The following ERBB4 variants were observed in gnomAD, a reference collection of about 807,000 sequenced individuals.
ERBB4 encodes receptor tyrosine-protein kinase erbB-4.
ERBB4 carries 42 observed loss-of-function variants against 158.0 expected under a neutral mutation model. The observed-to-expected ratio is 0.27, with a 90% CI of 0.21 to 0.34. ERBB4 has a LOEUF of 0.34. ERBB4 is among the 10% of genes least tolerant of loss of function. The pLI is 1.00. For synonymous variants in ERBB4, 583 were observed against 558.7 expected (o/e 1.04, Z -0.61); for missense variants, 1,333 against 1,624.1 (o/e 0.82, Z 3.08).
intron 3 of ERBB4, among the ~76,000 whole-genome samples, chr2:211,913,066 C>A (rs573382748): frequency 6.6e-6 from 1 of 152,166 alleles, no homozygotes; most frequent in African/African-American, 2.4e-5. Flanking sequence ...TCATAAGGGG[C>A]GTGGTTGTCA....
At chr2:211,603,955 T>C (rs1184254151) in intron 19 of ERBB4, among the ~76,000 whole-genome samples, 2 of 152,240 alleles carry the variant, frequency 1.3e-5, no homozygotes, top group African/African-American at 2.4e-5. Flanking sequence ...CAAGTGGGCA[T>C]ATTTAATTTA....
At chr2:212,299,156 C>T (rs2086527591) in intron 1 of ERBB4, among the ~76,000 whole-genome samples, 2 of 151,728 alleles carry the variant, frequency 1.3e-5, no homozygotes, top group South Asian at 4.1e-4. Context: ...TATCAGATCA[C>T]ACACAGACAA....
chr2:211,528,447 T>C (rs2066409937), intron 20 of ERBB4, among the ~76,000 whole-genome samples: 1 of 152,146 alleles, frequency 6.6e-6, no homozygotes, highest in Non-Finnish European at 1.5e-5. Context: ...ATTGGACAGA[T>C]CTTCCAGACA....
rs200537944 is a variant in ERBB4, at chr2:211,522,051, G to A, written c.2487+39852C>T. Among the ~76,000 whole-genome samples the A allele has an allele frequency of 5.9e-5, 9 of 152,206 alleles. No homozygotes were observed. In the East Asian group the frequency reaches 1.7e-3, roughly 29 times the overall value. ...ACATCCATTATCTAGCCCATAGATC[G>A]AGGAGTAATTTGACTTTCAAGTCTT... On this transcript the variant is annotated intron_variant, in intron 20 of 27. Coordinates refer to ENST00000342788, the MANE Select transcript of ERBB4 (RefSeq NM_005235.3).
chr2:211,557,623 A>G (rs1057000561), intron 20 of ERBB4, among the ~76,000 whole-genome samples: 1 of 147,740 alleles, frequency 6.8e-6, no homozygotes, highest in Admixed American at 6.6e-5. Context: ...GAACACTTAT[A>G]CATTGTTGTT....
At chr2:212,310,356 A>T (rs1233334652) in intron 1 of ERBB4, among the ~76,000 whole-genome samples, 3 of 150,794 alleles carry the variant, frequency 2.0e-5, no homozygotes, top group South Asian at 4.1e-4. Flanking sequence ...GACAGATGAT[A>T]TTCAGCCTCC....
At position 211,381,135 on chromosome 2, in the gene ERBB4, C is replaced by T; in HGVS notation, c.*2480G>A. The T allele has an allele frequency of 4.3e-6, 1 of 232,426 alleles. No individual in the cohort carries two copies. Among genetic ancestry groups the T allele is most frequent in the Non-Finnish European group, 8.5e-6 (1 of 117,566 alleles). 14.4% of individuals were successfully genotyped at this position (232,426 alleles called of 1,614,324 possible). On this transcript the variant is annotated 3_prime_UTR_variant, in exon 28 of 28. Transcript: ENST00000342788. ...TTGTGGCCCCTGAATCACTCTGTGT[C>T]TTTACCCCTGAAAAGTTTGAGGGTG... is the stretch of plus-strand genomic sequence containing the variant.
chr2:211,747,368 A>T (rs1178760269), intron 5 of ERBB4, among the ~76,000 whole-genome samples: 2 of 152,058 alleles, frequency 1.3e-5, no homozygotes, highest in East Asian at 3.9e-4. Flanking sequence ...CCATGATATG[A>T]CAACCCAAAT....
At position 211,430,185 on chromosome 2, in the gene ERBB4, G is replaced by C. The variant is rs187054813; in HGVS notation, c.2643+760C>G. On this transcript the variant is annotated intron_variant, in intron 21 of 27. Coordinates refer to ENST00000342788, the MANE Select transcript of ERBB4 (RefSeq NM_005235.3). Reference sequence around the variant, plus strand: ...TATTTATATGACATGAGAATAACTGGGTTTTTTTTTGTTGTTGTTAGTGTA... The same window carrying C: ...TATTTATATGACATGAGAATAACTGCGTTTTTTTTTGTTGTTGTTAGTGTA... Among the ~76,000 whole-genome samples, 344 of 152,044 alleles carry C rather than the reference G, an allele frequency of 2.3e-3. 2 individuals are homozygous for C. The highest frequency in any genetic ancestry group is 8.0e-3 in the African/African-American group (330 of 41,464).
At chr2:211,679,393 G>T (rs955801308) in intron 12 of ERBB4, among the ~76,000 whole-genome samples, 1 of 152,118 alleles carries the variant, frequency 6.6e-6, no homozygotes, top group Non-Finnish European at 1.5e-5. Context: ...CAGCAATCTT[G>T]CATTTTTCAT....
At chr2:212,461,407 A>G (rs1235076269) in intron 1 of ERBB4, among the ~76,000 whole-genome samples, 3 of 152,100 alleles carry the variant, frequency 2.0e-5, no homozygotes, top group Non-Finnish European at 4.4e-5. Context: ...ATCATTTTGG[A>G]GCTTTGTCTG....
At chr2:211,822,783 A>C (rs934693460) in intron 3 of ERBB4, among the ~76,000 whole-genome samples, 1 of 152,062 alleles carries the variant, frequency 6.6e-6, no homozygotes, top group Admixed American at 6.6e-5. Context: ...TAGCCACAAC[A>C]TTCCTTTGTC....
chr2:212,196,332 C>T (rs1054911797), intron 1 of ERBB4, among the ~76,000 whole-genome samples: 3 of 151,924 alleles, frequency 2.0e-5, no homozygotes, highest in Non-Finnish European at 2.9e-5. Context: ...ATCATTATAA[C>T]GGTCTTCATT....
intron 17 of ERBB4, among the ~76,000 whole-genome samples, chr2:211,629,087 G>A (rs2069988116): frequency 6.6e-6 from 1 of 151,922 alleles, no homozygotes; most frequent in African/African-American, 2.4e-5. Flanking sequence ...TGTCAGATGA[G>A]TAGATTGTAA....
At position 211,383,411 on chromosome 2, in the gene ERBB4, T is replaced by C. The variant is rs2062611560; in HGVS notation, c.*204A>G. 1 of 582,788 alleles carries C rather than the reference T, an allele frequency of 1.7e-6. No homozygotes were observed. The highest frequency in any genetic ancestry group is 3.1e-6 in the Non-Finnish European group (1 of 326,494). 36.1% of individuals were successfully genotyped at this position (582,788 alleles called of 1,614,324 possible). On this transcript the variant is annotated 3_prime_UTR_variant, in exon 28 of 28. Transcript: ENST00000342788. ...CATGCAGAGAAATGAAGAAACATTG[T>C]GGTTCCTCCTATCTTTCTCTTTCAG...
intron 14 of ERBB4, among the ~76,000 whole-genome samples, chr2:211,667,119 ACT>A (rs2071662801): frequency 6.6e-6 from 1 of 151,816 alleles, no homozygotes; most frequent in Admixed American, 6.6e-5. Flanking sequence ...TTGCAAAAAA[ACT>A]CATAGTGTTT....
rs1239495912 is a variant in ERBB4, at chr2:211,889,094, C to T, written c.421+58336G>A. Among the ~76,000 whole-genome samples the T allele has an allele frequency of 2.1e-5, 3 of 142,132 alleles. No homozygotes were observed. The East Asian group carries it at 5.8e-4, about 27-fold the overall frequency. 93.2% of individuals were successfully genotyped at this position (142,132 alleles called of 152,430 possible). On this transcript the variant is annotated intron_variant, in intron 3 of 27. Coordinates refer to ENST00000342788, the MANE Select transcript of ERBB4 (RefSeq NM_005235.3). ...CCTCTGTAGGCTCCACCTCTGGGGG[C>T]AGGGCACAGACAAACAAAAAGACAG...
intron 1 of ERBB4, among the ~76,000 whole-genome samples, chr2:212,453,733 G>A: frequency 6.6e-6 from 1 of 152,056 alleles, no homozygotes; most frequent in Non-Finnish European, 1.5e-5. Context: ...AGAAATGTTA[G>A]TTACACATTG....
intron 1 of ERBB4, among the ~76,000 whole-genome samples, chr2:212,448,993 T>C (rs2092406218): frequency 6.6e-6 from 1 of 152,148 alleles, no homozygotes; most frequent in South Asian, 2.1e-4. Flanking sequence ...TGAATGCATA[T>C]GAGGTCATTT....
Sources: allele counts gnomAD v4.1 joint callset (sites outside exome capture counted in the v4.1 genomes callset), GRCh38; gene constraint gnomAD v4.1.1; transcripts MANE v1.5; gene names NCBI Gene and HGNC (gene_info 2026-07-23, HGNC 2026-07-21).